The following KCNU1 variants were observed in gnomAD, a reference collection of about 807,000 sequenced individuals.
KCNU1 encodes potassium calcium-activated channel subfamily U member 1.
In KCNU1, 93 loss-of-function variants were observed where a neutral mutation model predicts 126.8. The observed-to-expected ratio is 0.73, with a 90% CI of 0.62 to 0.87. The LOEUF (loss-of-function observed/expected upper bound fraction) is 0.87. KCNU1 is among the 40% of genes least tolerant of loss of function. The pLI, the probability that KCNU1 is intolerant of heterozygous loss-of-function variation, is 0.00. For missense variants in KCNU1, 1,330 were observed against 1,367.1 expected, an observed-to-expected ratio of 0.97 and a Z score of 0.43; for synonymous variants, 523 against 494.2, an observed-to-expected ratio of 1.06 and a Z score of -0.77.
At chr8:36,926,870 G>C (rs1808551640) in intron 24 of KCNU1, among the ~76,000 whole-genome samples, 1 of 152,102 alleles carries the variant, frequency 6.6e-6, no homozygotes, top group Non-Finnish European at 1.5e-5. Context: ...TCAAGGCTAA[G>C]AGCAGATGCA....
intron 19 of KCNU1, among the ~76,000 whole-genome samples, chr8:36,866,338 C>A (rs147818038): frequency 1.3e-5 from 2 of 152,220 alleles, no homozygotes; most frequent in African/African-American, 4.8e-5. Context: ...TTTTCCTGTA[C>A]CCTCCCAAAG....
chr8:36,889,341 C>A, intron 19 of KCNU1: 1 of 471,632 alleles, frequency 2.1e-6, no homozygotes, highest in East Asian at 5.9e-5. Context: ...GATCTATCAC[C>A]TGTCATCATA....
intron 2 of KCNU1, among the ~76,000 whole-genome samples, chr8:36,797,580 T>G (rs1803146868): frequency 6.6e-6 from 1 of 152,160 alleles, no homozygotes; most frequent in Non-Finnish European, 1.5e-5. Flanking sequence ...TTATCAGTTT[T>G]ATTATGTACC....
intron 12 of KCNU1, among the ~76,000 whole-genome samples, chr8:36,835,905 TG>T (rs1244655183): frequency 6.6e-6 from 1 of 152,166 alleles, no homozygotes; most frequent in African/African-American, 2.4e-5. Flanking sequence ...ATTTGTAAAA[TG>T]GGGAAGTTGA....
intron 22 of KCNU1, among the ~76,000 whole-genome samples, chr8:36,916,222 A>C (rs1808099923): frequency 6.8e-6 from 1 of 148,146 alleles, no homozygotes; most frequent in South Asian, 2.2e-4. Context: ...AAGGGAAGGA[A>C]AGGGAAGGCA....
At chr8:36,853,907 A>G (rs1419751865) in intron 18 of KCNU1, among the ~76,000 whole-genome samples, 2 of 152,154 alleles carry the variant, frequency 1.3e-5, no homozygotes, top group African/African-American at 2.4e-5. Flanking sequence ...AGGGTTTGTC[A>G]TATGTGAACA....
intron 19 of KCNU1, among the ~76,000 whole-genome samples, chr8:36,887,958 G>A (rs895633048): frequency 2.6e-5 from 4 of 152,082 alleles, no homozygotes; most frequent in East Asian, 1.9e-4. Flanking sequence ...AGAAGGGACG[G>A]GGGTATCATG....
chr8:36,843,467 G>T (rs551678083), intron 16 of KCNU1, among the ~76,000 whole-genome samples: 25 of 152,320 alleles, frequency 1.6e-4, no homozygotes, highest in African/African-American at 6.0e-4. Context: ...CAACAGTGCT[G>T]TGAGATAGGT....
intron 19 of KCNU1, among the ~76,000 whole-genome samples, 151 bp downstream of exon 19, chr8:36,864,672 C>T (rs531001633): frequency 2.6e-5 from 4 of 152,250 alleles, no homozygotes; most frequent in South Asian, 4.1e-4. Flanking sequence ...CTCCACCTTG[C>T]CCATATCATT....
chr8:36,886,756 T>C (rs898379175), intron 19 of KCNU1, among the ~76,000 whole-genome samples: 5 of 152,162 alleles, frequency 3.3e-5, no homozygotes, highest in African/African-American at 9.7e-5. Flanking sequence ...CAAAGCAGTA[T>C]GCATTGTACC....
intron 22 of KCNU1, among the ~76,000 whole-genome samples, chr8:36,918,236 G>T (rs947175389): frequency 6.6e-6 from 1 of 152,144 alleles, no homozygotes; most frequent in South Asian, 2.1e-4. Context: ...GTCATTTGAA[G>T]TGCCATTGAG....
chr8:36,870,551 G>T (rs1205438571), intron 19 of KCNU1, among the ~76,000 whole-genome samples: 1 of 152,142 alleles, frequency 6.6e-6, no homozygotes, highest in Non-Finnish European at 1.5e-5. Flanking sequence ...CAGCCTCTGA[G>T]TCCACCTAGT....
chr8:36,918,266 G>A (rs568960526), intron 22 of KCNU1, among the ~76,000 whole-genome samples: 1 of 152,088 alleles, frequency 6.6e-6, no homozygotes, highest in Non-Finnish European at 1.5e-5. Flanking sequence ...ACATAGCCAG[G>A]CACGATGGCT....
At chr8:36,861,346 T>A (rs768993643) in intron 18 of KCNU1, among the ~76,000 whole-genome samples, 19 of 152,214 alleles carry the variant, frequency 1.2e-4, no homozygotes, top group Non-Finnish European at 2.4e-4. Context: ...TCTGCCCCAG[T>A]TGAGGCCTTC....
chr8:36,802,567 G>A (rs905882294), intron 2 of KCNU1, among the ~76,000 whole-genome samples: 5 of 152,130 alleles, frequency 3.3e-5, no homozygotes, highest in Non-Finnish European at 7.3e-5. Flanking sequence ...AGCTGAATGG[G>A]GAATCTGGGA....
chr8:36,843,813 T>G (rs1302398850), intron 16 of KCNU1, among the ~76,000 whole-genome samples: 1 of 152,212 alleles, frequency 6.6e-6, no homozygotes, highest in Non-Finnish European at 1.5e-5. Flanking sequence ...TAAGAATTTT[T>G]CTTACGGAAT....
At chr8:36,918,424 A>G (rs1021529038) in intron 22 of KCNU1, among the ~76,000 whole-genome samples, 1 of 152,134 alleles carries the variant, frequency 6.6e-6, no homozygotes, top group South Asian at 2.1e-4. Context: ...GTATGGAGGC[A>G]TGTGCCAGAA....
At chr8:36,809,233 A>G (rs568285573) in intron 7 of KCNU1, among the ~76,000 whole-genome samples, 6 of 152,246 alleles carry the variant, frequency 3.9e-5, no homozygotes, top group African/African-American at 1.2e-4. Flanking sequence ...CCTGAAATCA[A>G]TCTGTACACC....
chr8:36,866,020 G>T (rs184883200), intron 19 of KCNU1, among the ~76,000 whole-genome samples: 1 of 152,032 alleles, frequency 6.6e-6, no homozygotes. Flanking sequence ...TTTCAGAAGT[G>T]GTGGGTGGGG....
Sources: allele counts gnomAD v4.1 joint callset (sites outside exome capture counted in the v4.1 genomes callset), GRCh38; gene constraint gnomAD v4.1.1; transcripts MANE v1.5; gene names NCBI Gene and HGNC (gene_info 2026-07-23, HGNC 2026-07-21).